The following METAP2 variants were observed in gnomAD, a reference collection of about 807,000 sequenced individuals.
The protein encoded by METAP2 is methionyl aminopeptidase 2.
METAP2 carries 25 observed loss-of-function variants against 59.4 expected under a neutral mutation model. The observed-to-expected ratio is 0.42, with a 90% CI of 0.31 to 0.59. METAP2 has a LOEUF of 0.59. Among genes scored for constraint, METAP2 ranks in the 20% least tolerant of loss-of-function variants. The pLI is 0.16. For missense variants in METAP2, 366 were observed against 581.2 expected, an observed-to-expected ratio of 0.63 and a Z score of 3.81; for synonymous variants, 214 against 194.1, an observed-to-expected ratio of 1.10 and a Z score of -0.85.
intron 8 of METAP2, among the ~76,000 whole-genome samples, chr12:95,507,366 C>T (rs2076369139): frequency 1.3e-5 from 2 of 152,270 alleles, no homozygotes; most frequent in African/African-American, 4.8e-5. Flanking sequence ...TTCCAAATCG[C>T]TCTTCGCATC....
At chr12:95,482,146 G>C (rs774927396) in intron 2 of METAP2, 1 of 453,022 alleles carries the variant, frequency 2.2e-6, no homozygotes, top group South Asian at 1.6e-5. Context: ...TCTCCCTCCC[G>C]TCACCCAGGC....
chr12:95,490,669 G>A (rs775034578), intron 4 of METAP2, among the ~76,000 whole-genome samples: 50 of 149,258 alleles, frequency 3.3e-4, no homozygotes, highest in Non-Finnish European at 6.4e-4. Flanking sequence ...CTCCCAAGTA[G>A]CTTTGAAACT....
At chr12:95,482,340 T>C (rs903383863) in intron 2 of METAP2, 7 of 304,416 alleles carry the variant, frequency 2.3e-5, no homozygotes, top group African/African-American at 4.5e-5. Flanking sequence ...CTCAAACTCC[T>C]GGGCTCAAGT....
intron 4 of METAP2, among the ~76,000 whole-genome samples, chr12:95,492,132 T>TGTGTGTGTGTGTGTGTGTGTGTGTGTGTG: frequency 6.7e-6 from 1 of 149,312 alleles, no homozygotes; most frequent in Non-Finnish European, 1.5e-5. Context: ...ATATGTGTGT[T>TGTGTGTGTGTGTGTGTGTGTGTGTGTGTG]TGTGTGTGTG....
chr12:95,499,679 C>T (rs1456021655), intron 7 of METAP2, among the ~76,000 whole-genome samples: 2 of 151,672 alleles, frequency 1.3e-5, no homozygotes, highest in African/African-American at 4.8e-5. Context: ...TCTTCTAATT[C>T]ATAGACATGA....
At chr12:95,491,209 A>G (rs1001827108) in intron 4 of METAP2, among the ~76,000 whole-genome samples, 4 of 152,142 alleles carry the variant, frequency 2.6e-5, no homozygotes, top group Non-Finnish European at 4.4e-5. Context: ...AGTTTATACA[A>G]ACTTGAGAAG....
intron 7 of METAP2, among the ~76,000 whole-genome samples, chr12:95,501,700 CA>C (rs1211156450): frequency 6.9e-6 from 1 of 144,232 alleles, no homozygotes; most frequent in Non-Finnish European, 1.5e-5. Context: ...GGCGACAGAG[CA>C]AAACTCCGTT....
At chr12:95,496,900 C>T (rs530983807) in intron 7 of METAP2, among the ~76,000 whole-genome samples, 44 of 146,024 alleles carry the variant, frequency 3.0e-4, no homozygotes, top group Non-Finnish European at 4.6e-4. Flanking sequence ...TCTCGACTCA[C>T]TGCATCTTCT....
chr12:95,477,423 CTT>C (rs2076128569), intron 2 of METAP2, among the ~76,000 whole-genome samples: 1 of 152,156 alleles, frequency 6.6e-6, no homozygotes. Flanking sequence ...AAAATTAACT[CTT>C]TTCATTCTGA....
At chr12:95,513,037 C>T (rs2140169308) in intron 10 of METAP2, 121 bp downstream of exon 10, 1 of 538,930 alleles carries the variant, frequency 1.9e-6, no homozygotes, top group East Asian at 3.3e-5. Flanking sequence ...GTTCTGTAGC[C>T]CAACAATAAG....
intron 1 of METAP2, among the ~76,000 whole-genome samples, chr12:95,475,758 A>C (rs2076113729): frequency 6.6e-6 from 1 of 152,194 alleles, no homozygotes; most frequent in South Asian, 2.1e-4. Flanking sequence ...CTGGTGTTTA[A>C]GTATTTGTTA....
intron 4 of METAP2, among the ~76,000 whole-genome samples, chr12:95,491,702 G>A (rs2076238805): frequency 6.6e-6 from 1 of 151,960 alleles, no homozygotes; most frequent in Non-Finnish European, 1.5e-5. Context: ...AGTAGAAACA[G>A]GGTCTTTCTA....
At chr12:95,496,489 C>T (rs1469452412) in intron 7 of METAP2, among the ~76,000 whole-genome samples, 2 of 152,102 alleles carry the variant, frequency 1.3e-5, no homozygotes, top group African/African-American at 2.4e-5. Flanking sequence ...GTCAGCATCC[C>T]CACCACATAG....
intron 4 of METAP2, among the ~76,000 whole-genome samples, chr12:95,489,661 T>C (rs1214121522): frequency 6.6e-6 from 1 of 152,198 alleles, no homozygotes; most frequent in Admixed American, 6.5e-5. Context: ...TTAAGTGTAT[T>C]TTTAAAAACT....
At chr12:95,493,022 C>T (rs1210175039) in intron 4 of METAP2, among the ~76,000 whole-genome samples, 4 of 152,138 alleles carry the variant, frequency 2.6e-5, no homozygotes, top group Non-Finnish European at 5.9e-5. Flanking sequence ...ATCACTTTTA[C>T]ACTTGTGTAA....
intron 8 of METAP2, among the ~76,000 whole-genome samples, chr12:95,508,012 C>T (rs1306805338): frequency 2.0e-5 from 3 of 150,624 alleles, no homozygotes; most frequent in African/African-American, 7.3e-5. Context: ...GAACTCCCAA[C>T]CTTAGGTGAT....
intron 6 of METAP2, among the ~76,000 whole-genome samples, chr12:95,495,778 G>C (rs1314297112): frequency 6.6e-6 from 1 of 151,868 alleles, no homozygotes. Context: ...GCTGTCTTGG[G>C]GTAATATATA....
chr12:95,498,376 C>T (rs1057233337), intron 7 of METAP2, among the ~76,000 whole-genome samples: 15 of 151,898 alleles, frequency 9.9e-5, no homozygotes, highest in Admixed American at 4.6e-4. Flanking sequence ...AATCCTTTTT[C>T]TCATATTGTG....
At chr12:95,497,049 TC>T (rs1295506643) in intron 7 of METAP2, among the ~76,000 whole-genome samples, 1 of 152,104 alleles carries the variant, frequency 6.6e-6, no homozygotes, top group African/African-American at 2.4e-5. Context: ...GGTCTCAAAC[TC>T]CTGATCTCAA....
Sources: allele counts gnomAD v4.1 joint callset (sites outside exome capture counted in the v4.1 genomes callset), GRCh38; gene constraint gnomAD v4.1.1; transcripts MANE v1.5; gene names NCBI Gene and HGNC (gene_info 2026-07-23, HGNC 2026-07-21).